The following PXDNL variants were observed in gnomAD, a reference collection of about 807,000 sequenced individuals.
The protein encoded by PXDNL is peroxidasin like, also known as probable oxidoreductase PXDNL.
PXDNL carries 145 observed loss-of-function variants against 150.8 expected under a neutral mutation model. That is an observed-to-expected ratio of 0.96 (90% CI 0.84 to 1.10). The LOEUF (loss-of-function observed/expected upper bound fraction) is 1.10. Ranked by LOEUF, PXDNL falls within the 50% of genes least tolerant of loss-of-function variation. The pLI is 0.00. For synonymous variants in PXDNL, 757 were observed against 725.7 expected, an observed-to-expected ratio of 1.04 and a Z score of -0.69; for missense variants, 2,087 against 1,873.9, an observed-to-expected ratio of 1.11 and a Z score of -2.10.
At chr8:51,388,726 T>C (rs1419298795) in intron 17 of PXDNL, among the ~76,000 whole-genome samples, 2 of 152,202 alleles carry the variant, frequency 1.3e-5, no homozygotes, top group African/African-American at 4.8e-5. Context: ...CTTTTCTCCC[T>C]ATCTCTAAAT....
In PXDNL at chr8:51,409,569, G is replaced by T; in HGVS notation, c.2063-8C>A. The T allele has an allele frequency of 3.9e-6, 6 of 1,550,754 alleles. No individual in the cohort carries two copies. The highest frequency in any genetic ancestry group is 5.2e-6 in the Non-Finnish European group (6 of 1,146,720). ...AGTCATTGTACCGGAATTCTGAAAGGCAAGCGGCGAAAGCCGTGAGGAGGG... is the reference window on the plus strand; with the variant it reads ...AGTCATTGTACCGGAATTCTGAAAGTCAAGCGGCGAAAGCCGTGAGGAGGG... On this transcript the variant is annotated splice_region_variant and splice_polypyrimidine_tract_variant and intron_variant, in intron 16 of 22. Transcript: ENST00000356297.
At chr8:51,375,764 C>T (rs1468646335) in intron 17 of PXDNL, among the ~76,000 whole-genome samples, 1 of 152,194 alleles carries the variant, frequency 6.6e-6, no homozygotes, top group Non-Finnish European at 1.5e-5. Flanking sequence ...AAGAGTTTCT[C>T]TAGACTAGGC....
At chr8:51,696,803 C>CCACACATATACACATACACAG (rs1563510255) in intron 1 of PXDNL, among the ~76,000 whole-genome samples, 2 of 1,010 alleles carry the variant, frequency 2.0e-3, no homozygotes. Context: ...ACACATAGGT[C>CCACACATATACACATACACAG]TTCACACACA....
intron 1 of PXDNL, among the ~76,000 whole-genome samples, chr8:51,791,296 A>G (rs1348397647): frequency 2.6e-5 from 4 of 152,234 alleles, no homozygotes; most frequent in African/African-American, 9.6e-5. Context: ...ATGTGGTCAC[A>G]TGACTTCCAT....
Position 51,343,549 on chromosome 8 carries a change from A to C in PXDNL, c.4016+2284T>G, listed in dbSNP as rs536183807. ...TGAGGCAACATCTGAGCTGGGCTTC[A>C]ATGGGCCACCCAGAGTATTAAGTGT... On this transcript the variant is annotated intron_variant, in intron 20 of 22. Transcript: ENST00000356297. Among the ~76,000 whole-genome samples the C allele has an allele frequency of 4.6e-5, 7 of 152,336 alleles. No individual in the cohort carries two copies. The East Asian group carries it at 1.4e-3, about 29-fold the overall frequency.
chr8:51,784,938 A>G (rs530398628), intron 1 of PXDNL, among the ~76,000 whole-genome samples: 54 of 152,306 alleles, frequency 3.5e-4, no homozygotes, highest in Admixed American at 9.2e-4. Context: ...GGTTTTGCTT[A>G]TTGAAATAAT....
In PXDNL at chr8:51,709,489, C is replaced by T. The variant is rs1413906808; in HGVS notation, c.165-54729G>A. 3.9e-5 allele frequency among the ~76,000 whole-genome samples: 6 copies of T among 152,180 alleles called. No homozygotes were observed. In the South Asian group the frequency reaches 1.0e-3, roughly 26 times the overall value. ...CAGGATGTTCTCAATTTCCTGACCT[C>T]GTGATCCACCCACCTCCGCCTCCCA... On this transcript the variant is annotated intron_variant, in intron 1 of 22. Coordinates refer to ENST00000356297, the MANE Select transcript of PXDNL (RefSeq NM_144651.5).
At position 51,408,534 on chromosome 8, in the gene PXDNL, C is replaced by G. The variant is rs1808508634; in HGVS notation, c.3090G>C (p.Leu1030=). 1 of 1,613,054 alleles carries G rather than the reference C, an allele frequency of 6.2e-7. No homozygotes were observed. Among genetic ancestry groups the G allele is most frequent in the African/African-American group, 1.3e-5 (1 of 74,932 alleles). ...KVLGDPGTRM[L]RGYRGYNPNV... is the part of the protein sequence containing the mutation. ...TGGGGTTGTAGCCTCGGTAACCCCT[C>G]AGCATCCTAGTGCCAGGGTCCCCCA... Residue 1030 remains leucine (L), a synonymous_variant, in exon 17 of 23, where the codon CTG becomes CTC. Transcript: ENST00000356297.
chr8:51,599,809 A>G (rs1177325441), intron 2 of PXDNL, among the ~76,000 whole-genome samples: 2 of 142,770 alleles, frequency 1.4e-5, no homozygotes, highest in Admixed American at 7.1e-5. Flanking sequence ...AATAAATTAT[A>G]CCTTATATAA....
At chr8:51,765,985 A>G (rs1024347949) in intron 1 of PXDNL, among the ~76,000 whole-genome samples, 22 of 151,756 alleles carry the variant, frequency 1.4e-4, no homozygotes, top group African/African-American at 4.6e-4. Context: ...CTGGCACTAC[A>G]GGCGCCCGCC....
intron 17 of PXDNL, among the ~76,000 whole-genome samples, chr8:51,383,107 C>G (rs1807598222): frequency 6.6e-6 from 1 of 152,180 alleles, no homozygotes; most frequent in Non-Finnish European, 1.5e-5. Context: ...TCTCCACTTT[C>G]CTTAGAGGGA....
intron 1 of PXDNL, among the ~76,000 whole-genome samples, chr8:51,796,868 C>CA (rs1382922520): frequency 6.6e-6 from 1 of 151,962 alleles, no homozygotes; most frequent in African/African-American, 2.4e-5. Context: ...ACAGATGCAA[C>CA]AAAAAAAGAG....
chr8:51,566,313 A>T (rs1812828242), intron 3 of PXDNL, among the ~76,000 whole-genome samples: 1 of 151,834 alleles, frequency 6.6e-6, no homozygotes, highest in African/African-American at 2.4e-5. Context: ...AATTAAAGTT[A>T]GGAAGTATTC....
rs765738861 is a variant in PXDNL at position 51,668,172 on chromosome 8, C to CTTTTTTTTTTTTT, written c.165-13413_165-13412insAAAAAAAAAAAAA. 1.1e-3 allele frequency among the ~76,000 whole-genome samples: 30 copies of CTTTTTTTTTTTTT among 26,102 alleles called. 1 individual carries two copies. The highest frequency in any genetic ancestry group is 1.3e-3 in the Admixed American group (3 of 2,310). The allele number at this position is 26,102 out of a possible 152,430, so 17.1% of individuals were successfully genotyped here. ...CATAATACAAGGCTTCCTTCTCGCTCTCTCTTTTTTTTTTTTTTTTTGAGA... is the reference window on the plus strand; with the variant it reads ...CATAATACAAGGCTTCCTTCTCGCTCTTTTTTTTTTTTTTCTCTTTTTTTTTTTTTTTTTGAGA... On this transcript the variant is annotated intron_variant, in intron 1 of 22. Transcript: ENST00000356297.
chr8:51,644,322 A>G (rs1814854195), intron 2 of PXDNL, among the ~76,000 whole-genome samples: 1 of 41,456 alleles, frequency 2.4e-5, no homozygotes, highest in South Asian at 1.1e-3. Flanking sequence ...ACATTTTTAC[A>G]TATATATATA....
chr8:51,323,930 TAAAATAAAATAAA>T (rs1805405468), intron 21 of PXDNL, among the ~76,000 whole-genome samples: 1 of 135,300 alleles, frequency 7.4e-6, no homozygotes, highest in Admixed American at 7.1e-5. Flanking sequence ...AAAAATAAAA[TAAAATAAAATAAA>T]AAAATAAAAA....
chr8:51,398,940 T>A (rs1307509578), intron 17 of PXDNL, among the ~76,000 whole-genome samples: 1 of 152,144 alleles, frequency 6.6e-6, no homozygotes, highest in Non-Finnish European at 1.5e-5. Context: ...AAATTAAGAA[T>A]CATAAAAATG....
At chr8:51,343,026 A>G (rs560950292) in intron 20 of PXDNL, among the ~76,000 whole-genome samples, 1 of 152,280 alleles carries the variant, frequency 6.6e-6, no homozygotes, top group African/African-American at 2.4e-5. Flanking sequence ...GAGCCCAGGT[A>G]GGAAGGTTAT....
Position 51,350,143 on chromosome 8 carries a change from G to GA in PXDNL, c.3902-4197dup, listed in dbSNP as rs982992235. Among the ~76,000 whole-genome samples the GA allele has an allele frequency of 2.6e-5, 4 of 151,950 alleles. No individual in the cohort carries two copies. The South Asian group carries it at 8.4e-4, about 32-fold the overall frequency. On this transcript the variant is annotated intron_variant, in intron 19 of 22. Transcript: ENST00000356297. Reference sequence around the variant, plus strand: ...TTTAATAGACAAAAAAGAAGAGAAAGAAAAAAAGCTTCCTTATGCTGGGAA... The same window carrying GA: ...TTTAATAGACAAAAAAGAAGAGAAAGAAAAAAAAGCTTCCTTATGCTGGGAA...
Sources: allele counts gnomAD v4.1 joint callset (sites outside exome capture counted in the v4.1 genomes callset), GRCh38; gene constraint gnomAD v4.1.1; transcripts MANE v1.5; gene names NCBI Gene and HGNC (gene_info 2026-07-23, HGNC 2026-07-21).